The following SATB1 variants were observed in gnomAD, a reference collection of about 807,000 sequenced individuals.
The protein encoded by SATB1 is DNA-binding protein SATB1.
In SATB1, 11 loss-of-function variants were observed where a neutral mutation model predicts 86.9. The ratio of observed to expected loss-of-function variants is 0.13; its 90% CI spans 0.08 to 0.21. The LOEUF (loss-of-function observed/expected upper bound fraction) is 0.21, where lower values mean the gene tolerates loss of function less well. Ranked by LOEUF, SATB1 falls within the 10% of genes least tolerant of loss-of-function variation. The pLI is 1.00. For missense variants in SATB1, 551 were observed against 937.6 expected (o/e 0.59, Z 5.39); for synonymous variants, 357 against 357.2 (o/e 1.00, Z 0.01).
At position 18,417,622 on chromosome 3, in the gene SATB1, T is replaced by C. The variant is rs554190740; in HGVS notation, c.212-544A>G. 481 of 680,626 alleles carry C rather than the reference T, an allele frequency of 7.1e-4. 12 individuals are homozygous for C. The South Asian group carries it at 7.5e-3, about 11-fold the overall frequency. 42.2% of individuals were successfully genotyped at this position (680,626 alleles called of 1,614,324 possible). ...CTGGTTCCACAAATCATTTTCTTCC[T>C]TTTTTAGATATTAGCTCTAACTGGT... On this transcript the variant is annotated intron_variant, in intron 2 of 10. Coordinates refer to ENST00000338745, the MANE Select transcript of SATB1 (RefSeq NM_002971.6).
At position 18,394,878 on chromosome 3, in the gene SATB1, C is replaced by T. The variant is rs1229953070; in HGVS notation, c.790G>A (p.Ala264Thr). The change falls in exon 7 of 11, where the codon GCC becomes ACC. Residue 264 changes from alanine to threonine, a missense_variant. Ala to Thr is a moderately conservative substitution (Grantham distance 58, BLOSUM62 0). Around this residue, in one of 8 missense-constraint regions of SATB1, gnomAD observed 119 missense variants for 171.1 expected, o/e 0.70. Coordinates refer to ENST00000338745, the MANE Select transcript of SATB1 (RefSeq NM_002971.6). The surrounding 1 kb of genome is among the most constrained non-coding windows in gnomAD (Gnocchi z 5.9). Reference sequence around the variant, plus strand: ...TGCTGGCCAAAATTGACATGATTGGCGCCTTGCTGGGATAGCTCAGAAAGA... The same window carrying T: ...TGCTGGCCAAAATTGACATGATTGGTGCCTTGCTGGGATAGCTCAGAAAGA... ...DSLSELSQQG[A>T]NHVNFGQQPV... 6.2e-6 allele frequency: 10 copies of T among 1,609,632 alleles called. No individual in the cohort carries two copies. The highest frequency in any genetic ancestry group is 8.5e-6 in the Non-Finnish European group (10 of 1,177,994).
intron 5 of SATB1, among the ~76,000 whole-genome samples, chr3:18,407,395 T>C (rs1355240785): frequency 2.0e-5 from 3 of 152,020 alleles, no homozygotes; most frequent in Non-Finnish European, 2.9e-5. Context: ...AAAATGAAGA[T>C]TGCACCAAAA....
chr3:18,435,091 C>T (rs1471580198), intron 2 of SATB1: 4 of 151,970 alleles, frequency 2.6e-5, no homozygotes, highest in East Asian at 1.9e-4. Context: ...AATTACATGC[C>T]GGTTAGTAAT....
chr3:18,414,894 A>G, intron 5 of SATB1: 2 of 481,650 alleles, frequency 4.2e-6, no homozygotes, highest in African/African-American at 4.0e-5. Context: ...TCCTGTAAAC[A>G]GTCCTTTGCC....
chr3:18,355,423 A>G (rs1259417669), intron 9 of SATB1, among the ~76,000 whole-genome samples: 2 of 152,106 alleles, frequency 1.3e-5, no homozygotes, highest in Non-Finnish European at 2.9e-5. Context: ...TAAAGAAGCC[A>G]AATGCTTTCT....
chr3:18,376,548 A>C (rs1280383483), intron 9 of SATB1, among the ~76,000 whole-genome samples: 1 of 149,488 alleles, frequency 6.7e-6, no homozygotes. Flanking sequence ...CTAAAGAGCC[A>C]AAACAAGAAT....
chr3:18,417,366 T>C, intron 2 of SATB1: 2 of 564,610 alleles, frequency 3.5e-6, no homozygotes, highest in Non-Finnish European at 6.2e-6. Context: ...CAGAATTACC[T>C]TTCTGATCAA....
At chr3:18,421,811 T>C (rs2125173382) in intron 1 of SATB1, among the ~76,000 whole-genome samples, 1 of 151,194 alleles carries the variant, frequency 6.6e-6, no homozygotes, top group South Asian at 2.1e-4. Context: ...CACTTCGTGA[T>C]ATGCACATTA....
intron 6 of SATB1, among the ~76,000 whole-genome samples, chr3:18,396,037 A>T (rs955695627): frequency 4.6e-5 from 7 of 152,208 alleles, no homozygotes; most frequent in Non-Finnish European, 8.8e-5. Context: ...ATAGCGCTAT[A>T]GCTCCTGATA....
chr3:18,374,573 A>G (rs900248565), intron 9 of SATB1, among the ~76,000 whole-genome samples: 7 of 152,210 alleles, frequency 4.6e-5, no homozygotes, highest in Non-Finnish European at 1.0e-4. Context: ...CTAACCAAGC[A>G]CAAAAAGTAG....
intron 5 of SATB1, among the ~76,000 whole-genome samples, chr3:18,397,726 C>T (rs571275362): frequency 2.4e-4 from 37 of 152,334 alleles, no homozygotes; most frequent in Non-Finnish European, 5.1e-4. Flanking sequence ...ATATGGGCAT[C>T]ACTTGGAAGC....
At chr3:18,422,826 A>G (rs1349827256) in intron 1 of SATB1, among the ~76,000 whole-genome samples, 2 of 152,222 alleles carry the variant, frequency 1.3e-5, no homozygotes, top group African/African-American at 4.8e-5. Context: ...TTAATGCTAT[A>G]AAACATATTA....
intron 7 of SATB1, among the ~76,000 whole-genome samples, chr3:18,388,369 C>G (rs890759954): frequency 6.6e-6 from 1 of 152,062 alleles, no homozygotes; most frequent in Non-Finnish European, 1.5e-5. Context: ...ATAACCCTTG[C>G]TCTTTACTCC....
Position 18,394,447 on chromosome 3 carries a change from T to C in SATB1, c.1206+15A>G, listed in dbSNP as rs778923928. 2.5e-6 allele frequency: 4 copies of C among 1,610,912 alleles called. No individual in the cohort carries two copies. The highest frequency in any genetic ancestry group is 2.7e-5 in the African/African-American group (2 of 74,874). ...ATAGGAGACAGCACAGAACCACTTA[T>C]GAAACACAACTGACCTGAGTTCTGT... On this transcript the variant is annotated intron_variant, in intron 7 of 10. Transcript: ENST00000338745. This position sits in a 1 kb window ranked among gnomAD's most constrained non-coding sequence, Gnocchi z 5.9.
intron 9 of SATB1, among the ~76,000 whole-genome samples, chr3:18,361,719 T>A (rs1694913299): frequency 6.6e-6 from 1 of 152,196 alleles, no homozygotes; most frequent in Non-Finnish European, 1.5e-5. Flanking sequence ...GAAATAAGGA[T>A]ATGTACAAAT....
chr3:18,383,053 G>A (rs543875217), intron 8 of SATB1, among the ~76,000 whole-genome samples: 10 of 152,364 alleles, frequency 6.6e-5, no homozygotes, highest in African/African-American at 2.4e-4. Context: ...TCAGGTGCAA[G>A]ATATTCTTAT....
At chr3:18,432,859 TA>T (rs748437625) in intron 2 of SATB1, among the ~76,000 whole-genome samples, 2 of 150,974 alleles carry the variant, frequency 1.3e-5, no homozygotes, top group Admixed American at 6.6e-5. Flanking sequence ...TATTGGCAGA[TA>T]TATAATACCA....
rs1340025428 is a variant in SATB1 at position 18,349,346 on chromosome 3, G to C, written c.2116C>G (p.Leu706Val). The C allele has an allele frequency of 6.2e-7, 1 of 1,614,146 alleles. No homozygotes were observed. The highest frequency in any genetic ancestry group is 1.1e-5 in the South Asian group (1 of 91,086). ...QRYYLKHHGK[L>V]KDNSGLEVDV... ...ACCTCTAAACCGGAATTGTCCTTCA[G>C]TTTGCCGTGGTGCTTGAGATAGTAC... is the stretch of plus-strand genomic sequence containing the variant. The change falls in exon 11 of 11, where the codon CTG becomes GTG. Residue 706 changes from leucine (L) to valine (V), a missense_variant. Physicochemically the swap from Leu to Val is conservative, Grantham distance 32 (BLOSUM62 1). Coordinates refer to ENST00000338745, the MANE Select transcript of SATB1 (RefSeq NM_002971.6). The surrounding 1 kb of genome is among the most constrained non-coding windows in gnomAD (Gnocchi z 5.5).
intron 10 of SATB1, chr3:18,351,656 G>T: frequency 2.0e-6 from 1 of 492,982 alleles, no homozygotes; most frequent in African/African-American, 1.9e-5. Context: ...AAAAATAGGT[G>T]GTGTTTTAAA....
Sources: allele counts gnomAD v4.1 joint callset (sites outside exome capture counted in the v4.1 genomes callset), GRCh38; gene constraint gnomAD v4.1.1; regional missense constraint gnomAD v4.1.1; non-coding constraint Gnocchi (gnomAD v3.1); transcripts MANE v1.5; gene names NCBI Gene and HGNC (gene_info 2026-07-23, HGNC 2026-07-21).